TACR1: variants seen among roughly 807,000 people sequenced by gnomAD.
TACR1 encodes the protein substance-P receptor.
A neutral mutation model predicts 35.8 loss-of-function variants in TACR1; 25 were observed. The ratio of observed to expected loss-of-function variants is 0.70; its 90% confidence interval spans 0.51 to 0.98. TACR1 has a LOEUF of 0.98. TACR1 is among the 50% of genes least tolerant of loss of function. The pLI is 0.00. For missense variants in TACR1, 478 were observed against 522.9 expected (o/e 0.91, Z 0.84); for synonymous variants, 195 against 206.7 (o/e 0.94, Z 0.48).
intron 2 of TACR1, among the ~76,000 whole-genome samples, chr2:75,117,584 T>C (rs530446176): frequency 1.3e-5 from 2 of 152,332 alleles, no homozygotes; most frequent in South Asian, 2.1e-4. Context: ...AATGCTTCTT[T>C]GTGGAATGTA....
At chr2:75,156,387 G>A (rs142206276) in intron 1 of TACR1, 2,965 of 151,122 alleles carry the variant, frequency 0.02, 64 homozygotes, top group East Asian at 0.1. Context: ...AGGCCAGGGC[G>A]GGCGGATCAC....
intron 2 of TACR1, among the ~76,000 whole-genome samples, chr2:75,067,738 G>A (rs1033735521): frequency 3.9e-5 from 6 of 152,222 alleles, no homozygotes; most frequent in African/African-American, 1.4e-4. Flanking sequence ...ACAAAAGCAG[G>A]CACAGAGGCC....
chr2:75,165,070 A>C (rs951031755), intron 1 of TACR1, among the ~76,000 whole-genome samples: 1 of 152,196 alleles, frequency 6.6e-6, no homozygotes, highest in Non-Finnish European at 1.5e-5. Context: ...CTGAGCATCC[A>C]TGTTAGTCTT....
chr2:75,085,358 C>T (rs1229319264), intron 2 of TACR1, among the ~76,000 whole-genome samples: 1 of 152,254 alleles, frequency 6.6e-6, no homozygotes, highest in South Asian at 2.1e-4. Flanking sequence ...CCCATCTCCT[C>T]ACTTGGTGTC....
At chr2:75,148,099 G>A (rs538222092) in intron 1 of TACR1, among the ~76,000 whole-genome samples, 8 of 152,154 alleles carry the variant, frequency 5.3e-5, no homozygotes, top group African/African-American at 1.7e-4. Context: ...ATGTACCACC[G>A]TTTTTTAATC....
intron 2 of TACR1, among the ~76,000 whole-genome samples, chr2:75,067,428 T>G (rs1264153919): frequency 2.0e-5 from 3 of 152,174 alleles, no homozygotes; most frequent in Non-Finnish European, 4.4e-5. Flanking sequence ...AGCTACCCAA[T>G]TTTTCATGAA....
chr2:75,081,850 A>G (rs1435322660), intron 2 of TACR1, among the ~76,000 whole-genome samples: 1 of 151,294 alleles, frequency 6.6e-6, no homozygotes, highest in Non-Finnish European at 1.5e-5. Flanking sequence ...AATGTTAGTT[A>G]TAGGTCTGAG....
At chr2:75,069,994 A>G (rs1232393786) in intron 2 of TACR1, among the ~76,000 whole-genome samples, 2 of 152,138 alleles carry the variant, frequency 1.3e-5, no homozygotes, top group Admixed American at 6.5e-5. Flanking sequence ...CCTCCCTTGA[A>G]GACAGATATC....
chr2:75,114,592 A>G (rs978959332), intron 2 of TACR1, among the ~76,000 whole-genome samples: 1 of 152,220 alleles, frequency 6.6e-6, no homozygotes, highest in Non-Finnish European at 1.5e-5. Flanking sequence ...CACAGTTTTT[A>G]TAGAAAAAAG....
At chr2:75,116,595 T>C (rs995128457) in intron 2 of TACR1, among the ~76,000 whole-genome samples, 2 of 152,182 alleles carry the variant, frequency 1.3e-5, no homozygotes, top group African/African-American at 4.8e-5. Flanking sequence ...GCATAGCTTC[T>C]TCTTTTCTAG....
intron 2 of TACR1, among the ~76,000 whole-genome samples, chr2:75,075,545 A>G (rs1352130022): frequency 6.6e-6 from 1 of 152,242 alleles, no homozygotes; most frequent in African/African-American, 2.4e-5. Context: ...CCATACTTAC[A>G]TATATGCTAT....
chr2:75,158,219 C>T (rs895849346), intron 1 of TACR1, among the ~76,000 whole-genome samples: 1 of 152,156 alleles, frequency 6.6e-6, no homozygotes, highest in Non-Finnish European at 1.5e-5. Context: ...GGACGAAGAT[C>T]GAGCATTTAT....
At chr2:75,178,268 T>C (rs1675476486) in intron 1 of TACR1, among the ~76,000 whole-genome samples, 1 of 151,864 alleles carries the variant, frequency 6.6e-6, no homozygotes, top group Admixed American at 6.6e-5. Flanking sequence ...CACTGCAACC[T>C]CTGCCTCCTG....
At chr2:75,187,080 A>G (rs1307067924) in intron 1 of TACR1, 3 of 152,290 alleles carry the variant, frequency 2.0e-5, no homozygotes, top group African/African-American at 7.2e-5. Context: ...AAGATGCAGG[A>G]GAGGTGAAGA....
At chr2:75,174,331 C>T (rs1266614553) in intron 1 of TACR1, among the ~76,000 whole-genome samples, 1 of 152,174 alleles carries the variant, frequency 6.6e-6, no homozygotes, top group African/African-American at 2.4e-5. Flanking sequence ...TGCCTGAAAC[C>T]ATGGATGGTA....
intron 1 of TACR1, among the ~76,000 whole-genome samples, chr2:75,125,124 C>T (rs1674047990): frequency 6.6e-6 from 1 of 151,994 alleles, no homozygotes; most frequent in Non-Finnish European, 1.5e-5. Context: ...ATCTCTAAAC[C>T]TTGTGCTGAC....
At chr2:75,147,638 C>T (rs572064253) in intron 1 of TACR1, among the ~76,000 whole-genome samples, 1 of 152,220 alleles carries the variant, frequency 6.6e-6, no homozygotes, top group South Asian at 2.1e-4. Flanking sequence ...TCAACTCCAA[C>T]TTATGAGTGA....
At chr2:75,180,399 T>A (rs1284385865) in intron 1 of TACR1, among the ~76,000 whole-genome samples, 5 of 152,216 alleles carry the variant, frequency 3.3e-5, no homozygotes. Context: ...TGCCCTTTTC[T>A]ATGAGTGTTT....
intron 1 of TACR1, among the ~76,000 whole-genome samples, chr2:75,166,329 T>A (rs561585792): frequency 2.0e-5 from 3 of 150,032 alleles, no homozygotes; most frequent in Non-Finnish European, 2.9e-5. Flanking sequence ...TCAACAAACA[T>A]AGAATGATGA....
Sources: allele counts gnomAD v4.1 joint callset (sites outside exome capture counted in the v4.1 genomes callset), GRCh38; gene constraint gnomAD v4.1.1; transcripts MANE v1.5; gene names NCBI Gene and HGNC (gene_info 2026-07-23, HGNC 2026-07-21).